IQCH: variants seen among roughly 807,000 people sequenced by gnomAD.
The protein encoded by IQCH is IQ motif containing H.
In IQCH, 98 loss-of-function variants were observed where a neutral mutation model predicts 117.0. The ratio of observed to expected loss-of-function variants is 0.84; its 90% confidence interval spans 0.71 to 0.99. The LOEUF (loss-of-function observed/expected upper bound fraction) is 0.99. Ranked by LOEUF, IQCH falls within the 50% of genes least tolerant of loss-of-function variation. IQCH has a pLI of 0.00. For missense variants in IQCH, 1,102 were observed against 1,243.8 expected, an observed-to-expected ratio of 0.89 and a Z score of 1.72; for synonymous variants, 412 against 448.2, an observed-to-expected ratio of 0.92 and a Z score of 1.02.
chr15:67,281,633 A>G (rs1260339381), intron 4 of IQCH: 1 of 452,394 alleles, frequency 2.2e-6, no homozygotes, highest in Non-Finnish European at 4.4e-6. Flanking sequence ...AGATCCAGGA[A>G]ATGACTGGAA....
chr15:67,280,565 T>C (rs1271758031), intron 4 of IQCH, among the ~76,000 whole-genome samples: 1 of 152,194 alleles, frequency 6.6e-6, no homozygotes, highest in Non-Finnish European at 1.5e-5. Context: ...CTTGTGTGTC[T>C]TTTTATAAGG....
intron 4 of IQCH, among the ~76,000 whole-genome samples, chr15:67,288,035 T>G (rs1301088822): frequency 2.0e-5 from 3 of 152,150 alleles, no homozygotes; most frequent in Non-Finnish European, 4.4e-5. Flanking sequence ...TTACTTTCCA[T>G]GTATTTATGT....
intron 6 of IQCH, among the ~76,000 whole-genome samples, chr15:67,347,217 A>AAG (rs1555458626): frequency 6.7e-6 from 1 of 148,978 alleles, no homozygotes. Context: ...AAAAAAAAAA[A>AAG]GGAATTCAGT....
chr15:67,287,279 C>T (rs1441899794), intron 4 of IQCH, among the ~76,000 whole-genome samples: 3 of 152,010 alleles, frequency 2.0e-5, no homozygotes, highest in African/African-American at 7.3e-5. Context: ...TAATACTGGC[C>T]TTGTAGAATG....
chr15:67,301,952 C>A (rs1967065713), intron 4 of IQCH, among the ~76,000 whole-genome samples: 1 of 152,104 alleles, frequency 6.6e-6, no homozygotes, highest in Non-Finnish European at 1.5e-5. Context: ...ATACTGATTT[C>A]TTTTCAGAAA....
At chr15:67,319,496 T>G (rs1472302189) in intron 4 of IQCH, among the ~76,000 whole-genome samples, 1 of 152,214 alleles carries the variant, frequency 6.6e-6, no homozygotes, top group Non-Finnish European at 1.5e-5. Flanking sequence ...TTTCCTTTGG[T>G]TTCCTTCCTT....
intron 8 of IQCH, among the ~76,000 whole-genome samples, chr15:67,363,170 C>T (rs1970207055): frequency 6.6e-6 from 1 of 150,700 alleles, no homozygotes; most frequent in Admixed American, 6.6e-5. Flanking sequence ...AAGAAAAATC[C>T]AGACACGGAA....
chr15:67,295,241 A>G (rs1966845299), intron 4 of IQCH, among the ~76,000 whole-genome samples: 1 of 152,120 alleles, frequency 6.6e-6, no homozygotes, highest in Admixed American at 6.6e-5. Context: ...TATCCCCAGT[A>G]TTCCTCTCCC....
At chr15:67,305,152 A>AT (rs1176875205) in intron 4 of IQCH, among the ~76,000 whole-genome samples, 1 of 152,058 alleles carries the variant, frequency 6.6e-6, no homozygotes, top group Non-Finnish European at 1.5e-5. Flanking sequence ...TAACATCTCT[A>AT]TTTTTTTAAA....
Position 67,411,264 on chromosome 15 carries a change from G to A in IQCH, c.2098-5667G>A, listed in dbSNP as rs998365788. On this transcript the variant is annotated intron_variant, in intron 14 of 20. Transcript: ENST00000335894. This position sits in a 1 kb window ranked among gnomAD's most constrained non-coding sequence, Gnocchi z 4.4. Reference sequence around the variant, plus strand: ...TACACTCTGAAGAGGCAGCAGGGCCGGTGGGGAGCACTTACCCAGGAGTCA... The same window carrying A: ...TACACTCTGAAGAGGCAGCAGGGCCAGTGGGGAGCACTTACCCAGGAGTCA... Among the ~76,000 whole-genome samples, 1 of 152,102 alleles carries A rather than the reference G, an allele frequency of 6.6e-6. No homozygotes were observed. Among genetic ancestry groups the A allele is most frequent in the African/African-American group, 2.4e-5 (1 of 41,408 alleles).
At position 67,458,260 on chromosome 15, in the gene IQCH, A is replaced by T. The variant is rs1298078292; in HGVS notation, c.2506-6867A>T. 6.6e-6 allele frequency among the ~76,000 whole-genome samples: 1 copy of T among 152,240 alleles called. No individual in the cohort carries two copies. The highest frequency in any genetic ancestry group is 1.5e-5 in the Non-Finnish European group (1 of 68,034). ...TCTCTGGCATTCTGCCCCAGTGGGA[A>T]ATGGTAATGCTATTCTTCCATTTTC... On this transcript the variant is annotated intron_variant, in intron 16 of 20. Transcript: ENST00000335894. The surrounding 1 kb of genome is among the most constrained non-coding windows in gnomAD (Gnocchi z 4.1).
At chr15:67,273,572 C>A (rs1965995924) in intron 3 of IQCH, among the ~76,000 whole-genome samples, 1 of 152,120 alleles carries the variant, frequency 6.6e-6, no homozygotes. Flanking sequence ...GTCCATTCCC[C>A]ATACATTTTG....
intron 15 of IQCH, among the ~76,000 whole-genome samples, chr15:67,418,048 A>G (rs968676997): frequency 2.6e-5 from 4 of 152,154 alleles, no homozygotes; most frequent in East Asian, 1.9e-4. Flanking sequence ...TACCCATCCT[A>G]TGAGGTGGGC....
chr15:67,375,815 C>G (rs904529715), intron 10 of IQCH, among the ~76,000 whole-genome samples: 1 of 124,350 alleles, frequency 8.0e-6, no homozygotes, highest in Non-Finnish European at 1.6e-5. Flanking sequence ...GAGACAGAGT[C>G]TCACTCTGTC....
At chr15:67,302,739 C>A (rs1319554344) in intron 4 of IQCH, among the ~76,000 whole-genome samples, 1 of 152,144 alleles carries the variant, frequency 6.6e-6, no homozygotes, top group Admixed American at 6.5e-5. Context: ...CACCTGTAAT[C>A]CCAGCTACTC....
Position 67,407,913 on chromosome 15 carries a change from A to G in IQCH, c.2097+7608A>G, listed in dbSNP as rs879497618. On this transcript the variant is annotated intron_variant, in intron 14 of 20. Coordinates refer to ENST00000335894, the MANE Select transcript of IQCH (RefSeq NM_001031715.3). This position sits in a 1 kb window ranked among gnomAD's most constrained non-coding sequence, Gnocchi z 5.3. ...GGAGTTGTAATTGTTGTGGTATCAG[A>G]GCTGTTAATTACCGGAGTAAACAGT... 3.3e-5 allele frequency: 5 copies of G among 152,228 alleles called. No homozygotes were observed. The highest frequency in any genetic ancestry group is 6.5e-5 in the Admixed American group (1 of 15,280). The allele number at this position is 152,228 out of a possible 1,614,324, so 9.4% of individuals were successfully genotyped here.
At chr15:67,276,001 TA>T (rs1415851738) in intron 3 of IQCH, among the ~76,000 whole-genome samples, 5 of 152,356 alleles carry the variant, frequency 3.3e-5, no homozygotes, top group African/African-American at 1.2e-4. Context: ...TTAATAGCAA[TA>T]ACTTTGGATA....
Position 67,411,340 on chromosome 15 carries a change from C to T in IQCH, c.2098-5591C>T, listed in dbSNP as rs1292301842. ...CTCCCAGTGTGACTGGAGAAGCCCTCGTTCCCTCTTTTGTGACATGAGGCA... is the reference window on the plus strand; with the variant it reads ...CTCCCAGTGTGACTGGAGAAGCCCTTGTTCCCTCTTTTGTGACATGAGGCA... On this transcript the variant is annotated intron_variant, in intron 14 of 20. Transcript: ENST00000335894. The surrounding 1 kb of genome is among the most constrained non-coding windows in gnomAD (Gnocchi z 4.4). Among the ~76,000 whole-genome samples the T allele has an allele frequency of 6.6e-6, 1 of 152,174 alleles. No individual in the cohort carries two copies. Among genetic ancestry groups the T allele is most frequent in the Non-Finnish European group, 1.5e-5 (1 of 68,034 alleles).
rs774557475 is a variant in IQCH at position 67,445,170 on chromosome 15, G to C, written c.2506-19957G>C. 2.0e-5 allele frequency among the ~76,000 whole-genome samples: 3 copies of C among 152,072 alleles called. No homozygotes were observed. The highest frequency in any genetic ancestry group is 4.4e-5 in the Non-Finnish European group (3 of 68,028). ...ACACGTCGTTGAACATCTGTTACTA[G>C]TACAGTCTAACACAGCACTTAAAAT... is the stretch of plus-strand genomic sequence containing the variant. On this transcript the variant is annotated intron_variant, in intron 16 of 20. Transcript: ENST00000335894. This position sits in a 1 kb window ranked among gnomAD's most constrained non-coding sequence, Gnocchi z 4.3.
Sources: gnomAD v4.1 joint callset for allele counts (sites outside exome capture counted in the v4.1 genomes callset) on GRCh38, gnomAD v4.1.1 for gene constraint, Gnocchi (gnomAD v3.1) non-coding constraint, MANE v1.5 for transcripts, NCBI Gene and HGNC (gene_info 2026-07-23, HGNC 2026-07-21) for gene names.